Variants in TNPO3 observed in about 807,000 individuals in gnomAD.
TNPO3 encodes the protein transportin 3.
A neutral mutation model predicts 122.8 loss-of-function variants in TNPO3; 65 were observed. The observed-to-expected ratio is 0.53, with a 90% CI of 0.43 to 0.65. TNPO3 has a LOEUF of 0.65. Ranked by LOEUF, TNPO3 falls within the 30% of genes least tolerant of loss-of-function variation. The pLI is 0.00. For missense variants in TNPO3, 850 were observed against 1,136.7 expected (o/e 0.75, Z 3.63); for synonymous variants, 372 against 411.2 (o/e 0.90, Z 1.15).
chr7:129,044,519 A>G (rs981720920), intron 1 of TNPO3, among the ~76,000 whole-genome samples: 5 of 152,244 alleles, frequency 3.3e-5, no homozygotes, highest in African/African-American at 1.2e-4. Context: ...CCAGAAGAAG[A>G]AAATTAAATT....
chr7:129,025,727 T>G (rs1216901520), intron 1 of TNPO3, among the ~76,000 whole-genome samples: 1 of 152,148 alleles, frequency 6.6e-6, no homozygotes, highest in Admixed American at 6.5e-5. Context: ...TTTCTTGACT[T>G]GGGTGGTGGT....
At chr7:128,998,736 C>T (rs1434741284) in intron 7 of TNPO3, among the ~76,000 whole-genome samples, 1 of 151,950 alleles carries the variant, frequency 6.6e-6, no homozygotes, top group Non-Finnish European at 1.5e-5. Context: ...GTTGCCCAGG[C>T]TGGTCTCGAA....
intron 10 of TNPO3, 124 bp downstream of exon 10, chr7:128,991,875 G>A: frequency 1.9e-6 from 1 of 519,610 alleles, no homozygotes; most frequent in Non-Finnish European, 3.3e-6. Flanking sequence ...AGACTAGACG[G>A]CACAACAGAA....
chr7:128,988,174 G>A (rs1014133385), intron 11 of TNPO3, among the ~76,000 whole-genome samples: 4 of 151,370 alleles, frequency 2.6e-5, no homozygotes, highest in Admixed American at 6.6e-5. Context: ...ACGAGGTTTC[G>A]CCTGTTGGCC....
In TNPO3 at chr7:128,986,819, T is replaced by G. The variant is rs761731133; in HGVS notation, c.1600A>C (p.Met534Leu). 1 of 1,614,102 alleles carries G rather than the reference T, an allele frequency of 6.2e-7. No homozygotes were observed. The highest frequency in any genetic ancestry group is 8.5e-7 in the Non-Finnish European group (1 of 1,179,992). Residue 534 changes from methionine (M) to leucine (L), a missense_variant, in exon 12 of 23, where the codon ATG (methionine) becomes CTG (leucine). Met to Leu is a conservative substitution (Grantham distance 15). Transcript: ENST00000265388. Reference sequence around the variant, plus strand: ...AGGAGTCCATTAAAGTGCTGAGCCATGTGATCTCGGCAGACAGAGCAAATG... The same window carrying G: ...AGGAGTCCATTAAAGTGCTGAGCCAGGTGATCTCGGCAGACAGAGCAAATG... ...HNICSVCRDH[M>L]AQHFNGLLEI...
At chr7:129,037,166 T>C (rs1340018885) in intron 1 of TNPO3, among the ~76,000 whole-genome samples, 3 of 152,230 alleles carry the variant, frequency 2.0e-5, no homozygotes, top group African/African-American at 7.2e-5. Context: ...ATTTAAAATA[T>C]ATGAAGAATA....
At chr7:129,030,405 T>C (rs1350299060) in intron 1 of TNPO3, 2 of 169,716 alleles carry the variant, frequency 1.2e-5, no homozygotes, top group African/African-American at 2.4e-5. Flanking sequence ...ACTCATGCAG[T>C]GTATCTAGAA....
chr7:129,044,812 A>G (rs779586418), intron 1 of TNPO3, among the ~76,000 whole-genome samples: 1 of 152,212 alleles, frequency 6.6e-6, no homozygotes, highest in Non-Finnish European at 1.5e-5. Flanking sequence ...AAGTAAACAA[A>G]TAAATATAGA....
chr7:129,028,481 C>T (rs148318118), intron 1 of TNPO3, among the ~76,000 whole-genome samples: 21 of 152,176 alleles, frequency 1.4e-4, no homozygotes, highest in African/African-American at 4.3e-4. Flanking sequence ...AAATCCAAAG[C>T]TAGCAAAAAG....
chr7:129,054,665 C>T lies in TNPO3; in HGVS notation c.106G>A (p.Glu36Lys). The T allele has an allele frequency of 1.2e-6, 2 of 1,614,010 alleles. No individual in the cohort carries two copies. Among genetic ancestry groups the T allele is most frequent in the East Asian group, 2.2e-5 (1 of 44,888 alleles). ...GKERASFWLG[E>K]LQRSVHAWEI... ...GGGCCCCTCACCGAACGCTGCAGCT[C>T]CCCAAGCCAAAAAGAGGCGCGCTCC... The change falls in exon 1 of 23, where the codon GAG (glutamate) becomes AAG (lysine). Residue 36 changes from glutamate (E) to lysine (K), a missense_variant. Physicochemically the swap from Glu to Lys is moderately conservative, Grantham distance 56 (BLOSUM62 1). Transcript: ENST00000265388.
chr7:129,022,665 T>C (rs1205373276), intron 1 of TNPO3, among the ~76,000 whole-genome samples: 1 of 151,998 alleles, frequency 6.6e-6, no homozygotes, highest in African/African-American at 2.4e-5. Flanking sequence ...AACTGATTTA[T>C]AAAGGAAAAA....
At chr7:129,000,262 C>T (rs1801789116) in intron 7 of TNPO3, among the ~76,000 whole-genome samples, 167 bp downstream of exon 7, 1 of 152,092 alleles carries the variant, frequency 6.6e-6, no homozygotes, top group Admixed American at 6.6e-5. Flanking sequence ...AATGCAGAAA[C>T]CCAAATATAA....
intron 1 of TNPO3, among the ~76,000 whole-genome samples, chr7:129,044,630 T>C (rs1290304486): frequency 6.6e-6 from 1 of 152,208 alleles, no homozygotes; most frequent in Non-Finnish European, 1.5e-5. Flanking sequence ...TCTTAGAGGC[T>C]TCACCTATAC....
intron 1 of TNPO3, among the ~76,000 whole-genome samples, chr7:129,022,735 G>C (rs2150457530): frequency 6.6e-6 from 1 of 152,262 alleles, no homozygotes; most frequent in South Asian, 2.1e-4. Flanking sequence ...ACAGGGTAAA[G>C]ATGTGCTAAG....
intron 1 of TNPO3, among the ~76,000 whole-genome samples, chr7:129,051,315 T>C (rs1289229412): frequency 6.6e-6 from 1 of 151,386 alleles, no homozygotes; most frequent in African/African-American, 2.4e-5. Flanking sequence ...TGGGTTATGA[T>C]CACAGCAGAA....
chr7:129,028,368 G>A (rs1054190614), intron 1 of TNPO3, among the ~76,000 whole-genome samples: 2 of 150,924 alleles, frequency 1.3e-5, no homozygotes, highest in Non-Finnish European at 3.0e-5. Flanking sequence ...GTGCTAAGAG[G>A]AATAAAATGT....
chr7:129,051,134 A>C (rs1808710331), intron 1 of TNPO3, among the ~76,000 whole-genome samples: 1 of 108,012 alleles, frequency 9.3e-6, no homozygotes, highest in African/African-American at 2.7e-5. Flanking sequence ...GATACCCAGA[A>C]AACAAAATGT....
At chr7:129,005,482 G>C (rs1317551772) in intron 4 of TNPO3, among the ~76,000 whole-genome samples, 1 of 152,108 alleles carries the variant, frequency 6.6e-6, no homozygotes, top group Non-Finnish European at 1.5e-5. Context: ...GTAATCCCCA[G>C]TGTTAGAGGA....
chr7:128,963,539 C>T (rs1262520833), intron 21 of TNPO3, among the ~76,000 whole-genome samples: 2 of 152,148 alleles, frequency 1.3e-5, no homozygotes, highest in Non-Finnish European at 2.9e-5. Flanking sequence ...GAGGGGAAAT[C>T]CCCACTTCTG....
Sources: gnomAD v4.1 joint callset for allele counts (sites outside exome capture counted in the v4.1 genomes callset) on GRCh38, gnomAD v4.1.1 for gene constraint, MANE v1.5 for transcripts, NCBI Gene and HGNC (gene_info 2026-07-23, HGNC 2026-07-21) for gene names.